Variants in CCDC66 observed in about 807,000 individuals in gnomAD.
CCDC66 encodes coiled-coil domain-containing protein 66.
CCDC66 carries 133 observed loss-of-function variants against 128.3 expected under a neutral mutation model. The observed-to-expected ratio is 1.04, with a 90% CI of 0.90 to 1.20. The LOEUF is 1.20. Ranked by LOEUF, CCDC66 falls within the 50% of genes most tolerant of loss-of-function variation. The pLI is 0.00. For missense variants in CCDC66, 1,126 were observed against 1,075.5 expected, an observed-to-expected ratio of 1.05 and a Z score of -0.66; for synonymous variants, 387 against 357.0, an observed-to-expected ratio of 1.08 and a Z score of -0.95.
Position 56,621,517 on chromosome 3 carries a change from T to C in CCDC66, c.2761-15T>C, listed in dbSNP as rs768354695. The C allele has an allele frequency of 2.6e-6, 4 of 1,546,084 alleles. No homozygotes were observed. In the African/African-American group the frequency reaches 4.1e-5, roughly 16 times the overall value. On this transcript the variant is annotated splice_polypyrimidine_tract_variant and intron_variant, in intron 17 of 17. Transcript: ENST00000394672. ...TGCACATTTTACTAACAAACATATA[T>C]CAATGTGATTTCAGGGCCTTCTCCA...
chr3:56,573,351 T>TTTCTC (rs2066893646), intron 7 of CCDC66, among the ~76,000 whole-genome samples: 1 of 152,200 alleles, frequency 6.6e-6, no homozygotes, highest in Admixed American at 6.5e-5. Context: ...AGTTGCAACC[T>TTTCTC]GCAGCATGGC....
At chr3:56,608,138 C>G (rs1466564902) in intron 10 of CCDC66, among the ~76,000 whole-genome samples, 4 of 152,076 alleles carry the variant, frequency 2.6e-5, no homozygotes, top group Admixed American at 6.5e-5. Flanking sequence ...TAGGGTGATG[C>G]TGGCTTCATA....
chr3:56,576,671 C>T (rs900222739), intron 7 of CCDC66, among the ~76,000 whole-genome samples: 3 of 150,804 alleles, frequency 2.0e-5, no homozygotes, highest in Non-Finnish European at 4.4e-5. Context: ...GTTTTCTCTC[C>T]TTGCAATAGT....
intron 10 of CCDC66, among the ~76,000 whole-genome samples, chr3:56,599,174 A>G (rs568374483): frequency 3.9e-4 from 59 of 151,808 alleles, no homozygotes; most frequent in African/African-American, 1.4e-3. Context: ...GAATTTATCC[A>G]TTTCTTCTAG....
intron 7 of CCDC66, among the ~76,000 whole-genome samples, chr3:56,575,748 T>A (rs1279360421): frequency 6.6e-6 from 1 of 151,854 alleles, no homozygotes; most frequent in Non-Finnish European, 1.5e-5. Flanking sequence ...TTGAATTAAG[T>A]TTTCTATATG....
At chr3:56,620,872 G>A in intron 17 of CCDC66, 1 of 152,808 alleles carries the variant, frequency 6.5e-6, no homozygotes. Context: ...CTGGATGTTG[G>A]CCAGGAGCAG....
At position 56,615,141 on chromosome 3, in the gene CCDC66, TCAAGA is replaced by T. The variant is rs779725313; in HGVS notation, c.1584_1588del (p.Thr529Ter). The stretch of plus-strand genomic sequence containing the variant: ...CAATATTGACAGGAAATCATGACTC[TCAAGA>T]CAAATGAGCTATTCCAGACAATGCA... On this transcript the variant is annotated frameshift_variant, in exon 12 of 18. Coordinates refer to ENST00000394672, the MANE Select transcript of CCDC66 (RefSeq NM_001141947.3). LOFTEE classifies it high-confidence loss of function. 145 of 1,613,592 alleles carry T rather than the reference TCAAGA, an allele frequency of 9.0e-5. No individual in the cohort carries two copies. The Middle Eastern group carries it at 3.8e-3, about 42-fold the overall frequency.
In CCDC66 at chr3:56,593,519, A is replaced by C; in HGVS notation, c.1097A>C (p.His366Pro). The stretch of plus-strand genomic sequence containing the variant: ...GAGGAACATGACAGATGGGCAATGC[A>C]CTTTGATTCATTAAAGAGTTATCCT... ...KGEEHDRWAMHFDSLKSYPGS... is the reference protein window; with the variant it reads ...KGEEHDRWAMPFDSLKSYPGS... The change falls in exon 9 of 18, where the codon CAC becomes CCC. Residue 366 changes from histidine to proline, a missense_variant. By Grantham distance (77) the His-to-Pro change is moderately conservative (BLOSUM62 -2). Coordinates refer to ENST00000394672, the MANE Select transcript of CCDC66 (RefSeq NM_001141947.3). 1 of 1,614,158 alleles carries C rather than the reference A, an allele frequency of 6.2e-7. No individual in the cohort carries two copies. The highest frequency in any genetic ancestry group is 1.1e-5 in the South Asian group (1 of 91,082).
intron 3 of CCDC66, among the ~76,000 whole-genome samples, chr3:56,560,710 A>G (rs1339687271): frequency 6.6e-6 from 1 of 152,172 alleles, no homozygotes; most frequent in African/African-American, 2.4e-5. Flanking sequence ...ACAGAGCGAA[A>G]TTCCTTCTCA....
chr3:56,583,392 G>C (rs1179716158), intron 7 of CCDC66, among the ~76,000 whole-genome samples: 1 of 151,886 alleles, frequency 6.6e-6, no homozygotes, highest in African/African-American at 2.4e-5. Context: ...GGGAAGGTCA[G>C]CAGATAAACA....
At chr3:56,608,752 C>T (rs2074409085) in intron 10 of CCDC66, among the ~76,000 whole-genome samples, 1 of 152,130 alleles carries the variant, frequency 6.6e-6, no homozygotes, top group Non-Finnish European at 1.5e-5. Flanking sequence ...GGGCTATGAA[C>T]TTTCCTCTTA....
Position 56,593,957 on chromosome 3 carries a change from A to G in CCDC66, c.1333A>G (p.Met445Val), listed in dbSNP as rs930816620. The G allele has an allele frequency of 6.8e-6, 11 of 1,614,068 alleles. No individual in the cohort carries two copies. In the Admixed American group the frequency reaches 8.3e-5, roughly 12 times the overall value. Reference sequence around the variant, plus strand: ...GTATCTTGCCAGCTTTCTCCGTTCTATGACTGCTCTCTTGGACCCAGCTCA... The same window carrying G: ...GTATCTTGCCAGCTTTCTCCGTTCTGTGACTGCTCTCTTGGACCCAGCTCA... ...NSKKTNFLRS[M>V]TALLDPAQIE... is the part of the protein sequence containing the mutation. The change falls in exon 10 of 18, where the codon ATG (methionine) becomes GTG (valine). Residue 445 changes from methionine (M) to valine (V), a missense_variant. Met to Val is a conservative substitution (Grantham distance 21). Coordinates refer to ENST00000394672, the MANE Select transcript of CCDC66 (RefSeq NM_001141947.3).
intron 7 of CCDC66, 88 bp downstream of exon 7, chr3:56,571,390 T>C: frequency 1.1e-6 from 1 of 944,858 alleles, no homozygotes; most frequent in Non-Finnish European, 1.5e-6. Flanking sequence ...AAAAAAAAGT[T>C]TTTTTTTTGA....
intron 17 of CCDC66, 160 bp downstream of exon 17, chr3:56,620,061 C>A: frequency 2.9e-6 from 2 of 681,176 alleles, no homozygotes; most frequent in Non-Finnish European, 4.6e-6. Flanking sequence ...TAAAATGGGA[C>A]TTTCCTAAGA....
In CCDC66 at chr3:56,569,156, A is replaced by T. The variant is rs111708968; in HGVS notation, c.815-2025A>T. Among the ~76,000 whole-genome samples, 732 of 152,318 alleles carry T rather than the reference A, an allele frequency of 4.8e-3. 8 individuals are homozygous for T. The highest frequency in any genetic ancestry group is 0.016 in the African/African-American group (686 of 41,580). ...GGTTCAACATCAGCCTGCTGGAGCAACAGAGTGAGACCCTATCTCTACAAA... is the reference window on the plus strand; with the variant it reads ...GGTTCAACATCAGCCTGCTGGAGCATCAGAGTGAGACCCTATCTCTACAAA... On this transcript the variant is annotated intron_variant, in intron 6 of 17. Transcript: ENST00000394672.
In CCDC66 at chr3:56,613,576, T is replaced by A. The variant is rs555773264; in HGVS notation, c.1405-13T>A. 29 of 1,603,342 alleles carry A rather than the reference T, an allele frequency of 1.8e-5. No individual in the cohort carries two copies. The African/African-American group carries it at 3.8e-4, about 21-fold the overall frequency. On this transcript the variant is annotated splice_polypyrimidine_tract_variant and intron_variant, in intron 10 of 17. Coordinates refer to ENST00000394672, the MANE Select transcript of CCDC66 (RefSeq NM_001141947.3). ...TATTTTTGACAATGATTTACGTGAT[T>A]GCTTATGACTAGAAAGCCATCACTG...
At position 56,613,595 on chromosome 3, in the gene CCDC66, A is replaced by G. The variant is rs749922937; in HGVS notation, c.1411A>G (p.Ile471Val). Reference protein sequence around the residue: ...RQKQLEHQKAITAQVEEKRRK... With the variant: ...RQKQLEHQKAVTAQVEEKRRK... ...CGTGATTGCTTATGACTAGAAAGCC[A>G]TCACTGCCCAGGTAGAAGAGAAGCG... is the stretch of plus-strand genomic sequence containing the variant. Residue 471 changes from isoleucine to valine, a missense_variant, in exon 11 of 18, where the codon ATC (isoleucine) becomes GTC (valine). Physicochemically the swap from Ile to Val is conservative, Grantham distance 29. Transcript: ENST00000394672. The G allele has an allele frequency of 1.2e-5, 19 of 1,609,742 alleles. No individual in the cohort carries two copies. The highest frequency in any genetic ancestry group is 1.6e-5 in the Non-Finnish European group (19 of 1,179,020).
chr3:56,603,096 A>G (rs1458048019), intron 10 of CCDC66, among the ~76,000 whole-genome samples: 2 of 151,786 alleles, frequency 1.3e-5, no homozygotes, highest in South Asian at 2.1e-4. Context: ...CGGCCTCCCA[A>G]AGTACTGGGA....
Position 56,564,300 on chromosome 3 carries a change from G to C in CCDC66, c.544+175G>C, listed in dbSNP as rs1467041953. The C allele has an allele frequency of 1.6e-5, 9 of 547,634 alleles. No homozygotes were observed. The East Asian group carries it at 2.6e-4, about 16-fold the overall frequency. The allele number at this position is 547,634 out of a possible 1,614,324, so 33.9% of individuals were successfully genotyped here. ...TCTAATATGCAAAATTATTTTTATA[G>C]TTGTGCCATATTTTAAGGTTAGTGT... On this transcript the variant is annotated intron_variant, in intron 4 of 17. Coordinates refer to ENST00000394672, the MANE Select transcript of CCDC66 (RefSeq NM_001141947.3).
Sources: allele counts gnomAD v4.1 joint callset (sites outside exome capture counted in the v4.1 genomes callset), GRCh38; gene constraint gnomAD v4.1.1; transcripts MANE v1.5; gene names NCBI Gene and HGNC (gene_info 2026-07-23, HGNC 2026-07-21).